Variants in RAPH1 observed in about 807,000 individuals in gnomAD.
RAPH1 encodes the protein ras-associated and pleckstrin homology domains-containing protein 1.
RAPH1 carries 18 observed loss-of-function variants against 88.1 expected under a neutral mutation model. The observed-to-expected ratio is 0.20, with a 90% CI of 0.14 to 0.30. RAPH1 has a LOEUF of 0.30. Among genes scored for constraint, RAPH1 ranks in the 10% least tolerant of loss-of-function variants. The pLI, the probability that RAPH1 is intolerant of heterozygous loss-of-function variation, is 1.00. For missense variants in RAPH1, 1,448 were observed against 1,543.2 expected (o/e 0.94, Z 1.03); for synonymous variants, 587 against 559.0 (o/e 1.05, Z -0.71).
At chr2:203,516,269 C>A (rs1689602145) in intron 1 of RAPH1, among the ~76,000 whole-genome samples, 1 of 151,982 alleles carries the variant, frequency 6.6e-6, no homozygotes, top group South Asian at 2.1e-4. Context: ...ACAACTGATA[C>A]ACTAAGAAAG....
At chr2:203,515,172 A>G (rs991139387) in intron 1 of RAPH1, among the ~76,000 whole-genome samples, 2 of 150,934 alleles carry the variant, frequency 1.3e-5, no homozygotes, top group Non-Finnish European at 2.9e-5. Context: ...ATATATTAAA[A>G]ATATTTTATA....
chr2:203,489,788 T>A lies in RAPH1; in HGVS notation c.528A>T (p.Leu176=). ...TAGTTACTAAGGGTTTAGTATCTTC[T>A]AGTACAGATTGCTGAGCAGCCTCAT... ...SMDEAAQQSV[L]EDTKPLVTNQ... The change falls in exon 4 of 14, where the codon CTA becomes CTT. Residue 176 remains leucine, a synonymous_variant. Transcript: ENST00000319170. 1.9e-6 allele frequency: 3 copies of A among 1,614,246 alleles called. No individual in the cohort carries two copies. In the South Asian group the frequency reaches 3.3e-5, roughly 18 times the overall value.
In RAPH1 at chr2:203,519,753, A is replaced by T. The variant is rs571443554; in HGVS notation, c.-1+15358T>A. ...ATTAAATATGTTCCCCAACAAAAAAACTAACAGGAAAAAAAAGCAGCCATG... is the reference window on the plus strand; with the variant it reads ...ATTAAATATGTTCCCCAACAAAAAATCTAACAGGAAAAAAAAGCAGCCATG... On this transcript the variant is annotated intron_variant, in intron 1 of 13. Transcript: ENST00000319170. 3.9e-5 allele frequency among the ~76,000 whole-genome samples: 6 copies of T among 152,324 alleles called. No homozygotes were observed. In the South Asian group the frequency reaches 1.2e-3, roughly 32 times the overall value.
At chr2:203,506,749 T>G (rs1204966258) in intron 1 of RAPH1, among the ~76,000 whole-genome samples, 5 of 127,346 alleles carry the variant, frequency 3.9e-5, no homozygotes, top group Non-Finnish European at 3.1e-5. Flanking sequence ...TATCTATATA[T>G]ATATATATCT....
Position 203,437,451 on chromosome 2 carries a change from A to C in RAPH1, c.*1986T>G, listed in dbSNP as rs1033971965. On this transcript the variant is annotated 3_prime_UTR_variant, in exon 14 of 14. Transcript: ENST00000319170. ...TTCATGAATCACAGTAGCGCTTGGCAATCTACTCAAACATTACCCAAATTT... is the reference window on the plus strand; with the variant it reads ...TTCATGAATCACAGTAGCGCTTGGCCATCTACTCAAACATTACCCAAATTT... The C allele has an allele frequency of 6.6e-6, 1 of 152,252 alleles. No individual in the cohort carries two copies. The highest frequency in any genetic ancestry group is 2.4e-5 in the African/African-American group (1 of 41,474). 9.4% of individuals were successfully genotyped at this position (152,252 alleles called of 1,614,324 possible).
intron 4 of RAPH1, among the ~76,000 whole-genome samples, chr2:203,485,905 A>C (rs1365123319): frequency 6.6e-6 from 1 of 152,184 alleles, no homozygotes; most frequent in East Asian, 1.9e-4. Context: ...ATAGCTGAGA[A>C]ACCCTGACCT....
At chr2:203,484,024 C>T (rs1006918845) in intron 4 of RAPH1, among the ~76,000 whole-genome samples, 14 of 152,142 alleles carry the variant, frequency 9.2e-5, no homozygotes, top group Non-Finnish European at 8.8e-5. Flanking sequence ...ACTTCTCAGC[C>T]TTCATAATGG....
chr2:203,470,504 G>A (rs1247338030), intron 4 of RAPH1, among the ~76,000 whole-genome samples: 1 of 152,194 alleles, frequency 6.6e-6, no homozygotes, highest in Non-Finnish European at 1.5e-5. Flanking sequence ...GGAGCAGGGA[G>A]GTAAAGACAT....
intron 1 of RAPH1, among the ~76,000 whole-genome samples, chr2:203,507,093 C>T (rs1402140035): frequency 6.6e-6 from 1 of 150,430 alleles, no homozygotes; most frequent in Non-Finnish European, 1.5e-5. Flanking sequence ...GACAGGGTTT[C>T]ACCATGTTGA....
Position 203,440,390 on chromosome 2 carries a change from G to A in RAPH1, c.2800C>T (p.Pro934Ser). 1 of 1,578,080 alleles carries A rather than the reference G, an allele frequency of 6.3e-7. No individual in the cohort carries two copies. The highest frequency in any genetic ancestry group is 8.6e-7 in the Non-Finnish European group (1 of 1,160,934). Residue 934 changes from proline (P) to serine (S), a missense_variant, in exon 14 of 14, where the codon CCT becomes TCT. Transcript: ENST00000319170. ...SLVFPPPPPS[P>S]VPAPPPPPPP... ...GGTGGTGGTGGTGGGGCTGGGACAGGTGATGGGGGTGGAGGAGGAAACACC... is the reference window on the plus strand; with the variant it reads ...GGTGGTGGTGGTGGGGCTGGGACAGATGATGGGGGTGGAGGAGGAAACACC...
rs145000897 is a variant in RAPH1, at chr2:203,478,485, G to GTT, written c.732+11097_732+11098dup. On this transcript the variant is annotated intron_variant, in intron 4 of 13. Transcript: ENST00000319170. ...TCACTTCATAAGGACATCATTTTTT[G>GTT]TTTTTTTTTGTTTTTCTTTTTTGAG... Among the ~76,000 whole-genome samples, 27 of 149,690 alleles carry GTT rather than the reference G, an allele frequency of 1.8e-4. 1 individual carries two copies. The highest frequency in any genetic ancestry group is 6.6e-4 in the African/African-American group (27 of 40,738).
In RAPH1 at chr2:203,488,708, A is replaced by G. The variant is rs531752519; in HGVS notation, c.732+876T>C. Among the ~76,000 whole-genome samples, 525 of 149,832 alleles carry G rather than the reference A, an allele frequency of 3.5e-3. 3 individuals are homozygous for G. The highest frequency in any genetic ancestry group is 0.012 in the African/African-American group (495 of 40,962). ...ACTCCATTTTACTTGTGAGAAATTGATGTTTAAGAGAATAACTCACTTAAG... is the reference window on the plus strand; with the variant it reads ...ACTCCATTTTACTTGTGAGAAATTGGTGTTTAAGAGAATAACTCACTTAAG... On this transcript the variant is annotated intron_variant, in intron 4 of 13. Transcript: ENST00000319170.
At chr2:203,519,574 C>T (rs1301984849) in intron 1 of RAPH1, among the ~76,000 whole-genome samples, 1 of 152,024 alleles carries the variant, frequency 6.6e-6, no homozygotes, top group East Asian at 1.9e-4. Flanking sequence ...AGCTTTCCCA[C>T]TAAGATCAGG....
At chr2:203,526,687 T>C (rs539721330) in intron 1 of RAPH1, among the ~76,000 whole-genome samples, 69 of 110,488 alleles carry the variant, frequency 6.2e-4, no homozygotes, top group African/African-American at 2.3e-3. Flanking sequence ...TGCAGTGAGA[T>C]AGGAGCGAAA....
rs1335060963 is a variant in RAPH1, at chr2:203,440,470, CTGGGCTGCCACT to C, written c.2708_2719del (p.Lys903_Pro906del). ...GTCCGGAGAAGGGACTGGGATGGAG[CTGGGCTGCCACT>C]TGGGCTTTGCTTTTACTGCAGGAGG... On this transcript the variant is annotated inframe_deletion, in exon 14 of 14. Coordinates refer to ENST00000319170, the MANE Select transcript of RAPH1 (RefSeq NM_213589.3). The C allele has an allele frequency of 6.5e-7, 1 of 1,536,886 alleles. No individual in the cohort carries two copies. The highest frequency in any genetic ancestry group is 1.4e-5 in the African/African-American group (1 of 72,058).
chr2:203,528,234 A>G (rs1690214675), intron 1 of RAPH1, among the ~76,000 whole-genome samples: 1 of 152,188 alleles, frequency 6.6e-6, no homozygotes, highest in Admixed American at 6.5e-5. Context: ...TTTAAAACTT[A>G]GTAAGAAAAT....
chr2:203,444,736 G>A (rs1232212154), intron 13 of RAPH1, 132 bp downstream of exon 13: 2 of 759,224 alleles, frequency 2.6e-6, no homozygotes, highest in Non-Finnish European at 4.2e-6. Flanking sequence ...CTACAATTAG[G>A]AAGATTGAAA....
intron 1 of RAPH1, among the ~76,000 whole-genome samples, chr2:203,527,911 T>C (rs779046011): frequency 6.6e-5 from 10 of 151,616 alleles, no homozygotes; most frequent in Admixed American, 2.0e-4. Flanking sequence ...AAGGTTTAAG[T>C]CCAAGGGCAA....
chr2:203,533,608 C>A (rs888848226), intron 1 of RAPH1, among the ~76,000 whole-genome samples: 1 of 151,910 alleles, frequency 6.6e-6, no homozygotes, highest in Non-Finnish European at 1.5e-5. Flanking sequence ...ACTTAAATGC[C>A]GAGGCTTCCA....
Sources: gnomAD v4.1 joint callset for allele counts (sites outside exome capture counted in the v4.1 genomes callset) on GRCh38, gnomAD v4.1.1 for gene constraint, MANE v1.5 for transcripts, NCBI Gene and HGNC (gene_info 2026-07-23, HGNC 2026-07-21) for gene names.